NTN4: variants seen among roughly 807,000 people sequenced by gnomAD.
The protein encoded by NTN4 is netrin-4.
In NTN4, 32 loss-of-function variants were observed where a neutral mutation model predicts 73.6. The ratio of observed to expected loss-of-function variants is 0.44; its 90% CI spans 0.33 to 0.58. NTN4 has a LOEUF of 0.58. NTN4 is among the 20% of genes least tolerant of loss of function. NTN4 has a pLI of 0.04. For synonymous variants in NTN4, 258 were observed against 287.5 expected, an observed-to-expected ratio of 0.90 and a Z score of 1.04; for missense variants, 654 against 798.3, an observed-to-expected ratio of 0.82 and a Z score of 2.18.
chr12:95,748,230 C>CAAAAAAA (rs769213172), intron 2 of NTN4, among the ~76,000 whole-genome samples: 12 of 76,414 alleles, frequency 1.6e-4, no homozygotes, highest in Non-Finnish European at 1.8e-4. Context: ...GACTCTGTCT[C>CAAAAAAA]AAAAAAAAAA....
intron 9 of NTN4, among the ~76,000 whole-genome samples, chr12:95,665,029 G>A (rs2078168785): frequency 6.6e-6 from 1 of 152,052 alleles, no homozygotes; most frequent in African/African-American, 2.4e-5. Flanking sequence ...AACCTGCTAA[G>A]TATTATGTTA....
chr12:95,733,646 G>A (rs989338420), intron 3 of NTN4, among the ~76,000 whole-genome samples: 5 of 152,040 alleles, frequency 3.3e-5, no homozygotes, highest in Non-Finnish European at 2.9e-5. Context: ...CCAATACCAG[G>A]GTCTTAATCA....
intron 2 of NTN4, among the ~76,000 whole-genome samples, chr12:95,779,554 C>T (rs887075595): frequency 2.6e-5 from 4 of 152,036 alleles, no homozygotes; most frequent in Non-Finnish European, 4.4e-5. Context: ...CTCCCATTCA[C>T]AATTGTTTCA....
intron 3 of NTN4, among the ~76,000 whole-genome samples, chr12:95,729,639 G>A (rs1010942964): frequency 5.0e-4 from 58 of 115,820 alleles, no homozygotes; most frequent in African/African-American, 2.7e-3. Flanking sequence ...GAGAGTGTGT[G>A]TGTGTGTGTG....
intron 2 of NTN4, among the ~76,000 whole-genome samples, chr12:95,784,136 C>G (rs1338560605): frequency 6.6e-6 from 1 of 152,158 alleles, no homozygotes; most frequent in East Asian, 1.9e-4. Flanking sequence ...TATTTTTAAA[C>G]TAGATTGACT....
rs1445177304 is a variant in NTN4, at chr12:95,713,203, GTTAC to G, written c.991+5_991+8del. On this transcript the variant is annotated splice_donor_5th_base_variant and intron_variant, in intron 4 of 9. Coordinates refer to ENST00000343702, the MANE Select transcript of NTN4 (RefSeq NM_021229.4). ...GAAAGCTTTTGAGTATCGTGGGCTTGTTACTTACTTCTGCACTCGTTGGGAGCCC... is the reference window on the plus strand; with the variant it reads ...GAAAGCTTTTGAGTATCGTGGGCTTGTTACTTCTGCACTCGTTGGGAGCCC... 2.5e-6 allele frequency: 4 copies of G among 1,609,374 alleles called. No individual in the cohort carries two copies. The South Asian group carries it at 3.3e-5, about 13-fold the overall frequency.
chr12:95,665,857 G>T lies in NTN4; in HGVS notation c.1703C>A (p.Pro568Gln). The change falls in exon 9 of 10, where the codon CCA becomes CAA. Residue 568 changes from proline to glutamine, a missense_variant. Coordinates refer to ENST00000343702, the MANE Select transcript of NTN4 (RefSeq NM_021229.4). Reference protein sequence around the residue: ...KIFRGKRTLYPESWTDRGCTC... With the variant: ...KIFRGKRTLYQESWTDRGCTC... ...GCATCCTCTGTCCGTCCATGATTCT[G>T]GATATAATGTTCGCTTTCCTCGGAA... 6.2e-7 allele frequency: 1 copy of T among 1,613,944 alleles called. No homozygotes were observed.
At chr12:95,674,576 G>C (rs11108186) in intron 7 of NTN4, among the ~76,000 whole-genome samples, 4,675 of 152,090 alleles carry the variant, frequency 0.031, 207 homozygotes, top group East Asian at 0.24. Flanking sequence ...TTGTTATTTA[G>C]GAAGTGAAAT....
intron 7 of NTN4, among the ~76,000 whole-genome samples, chr12:95,681,188 CAAAAAA>C (rs11366396): frequency 1.0e-5 from 1 of 95,514 alleles, no homozygotes; most frequent in African/African-American, 4.1e-5. Flanking sequence ...GACTTTGTCT[CAAAAAA>C]AAAAAAAAAA....
intron 3 of NTN4, 28 bp from the exon 4 acceptor site, chr12:95,713,366 G>A: frequency 6.5e-7 from 1 of 1,541,442 alleles, no homozygotes; most frequent in Non-Finnish European, 8.8e-7. Context: ...TGAGAACTAT[G>A]AGCACACATG....
intron 9 of NTN4, among the ~76,000 whole-genome samples, chr12:95,664,578 G>T (rs1309567956): frequency 1.1e-5 from 1 of 90,102 alleles, no homozygotes; most frequent in Non-Finnish European, 2.1e-5. Context: ...TCAGTTATCT[G>T]CTTCTCTCAA....
chr12:95,702,298 CAAAAAAAAAGAAAA>C (rs1306847563), intron 5 of NTN4, among the ~76,000 whole-genome samples: 6 of 100,214 alleles, frequency 6.0e-5, no homozygotes, highest in Admixed American at 2.0e-4. Context: ...AAAAAAAAAA[CAAAAAAAAAGAAAA>C]AAAAAAAAAG....
intron 5 of NTN4, among the ~76,000 whole-genome samples, chr12:95,690,716 T>C (rs1022480502): frequency 5.3e-5 from 8 of 152,126 alleles, no homozygotes; most frequent in African/African-American, 1.9e-4. Flanking sequence ...ATGAAAATTA[T>C]ATAATTTTGA....
intron 5 of NTN4, among the ~76,000 whole-genome samples, chr12:95,689,026 G>C (rs2078383138): frequency 1.3e-5 from 2 of 152,108 alleles, no homozygotes; most frequent in African/African-American, 4.8e-5. Context: ...AAACCAGTAT[G>C]AATGTGTGAG....
chr12:95,761,334 T>TG (rs2078985401), intron 2 of NTN4, among the ~76,000 whole-genome samples: 1 of 145,828 alleles, frequency 6.9e-6, no homozygotes. Flanking sequence ...TTCTTTTTTT[T>TG]TTTTTTCCCC....
chr12:95,682,270 T>C (rs908186932), intron 7 of NTN4, among the ~76,000 whole-genome samples: 1 of 151,828 alleles, frequency 6.6e-6, no homozygotes, highest in African/African-American at 2.4e-5. Context: ...CCCAGGCTGG[T>C]CTTGAACTCT....
chr12:95,740,897 C>T (rs2121185931), intron 2 of NTN4, among the ~76,000 whole-genome samples: 1 of 152,232 alleles, frequency 6.6e-6, no homozygotes, highest in South Asian at 2.1e-4. Context: ...ATTCTTGGAC[C>T]CTATCCAAGA....
chr12:95,700,814 C>CTTTTTTT (rs71911993), intron 5 of NTN4, among the ~76,000 whole-genome samples: 9 of 107,538 alleles, frequency 8.4e-5, no homozygotes, highest in African/African-American at 2.8e-4. Flanking sequence ...TTCTTTCTTT[C>CTTTTTTT]TTTTTTTTTT....
intron 2 of NTN4, among the ~76,000 whole-genome samples, chr12:95,751,436 A>C (rs1489652184): frequency 1.9e-4 from 29 of 152,226 alleles, no homozygotes; most frequent in South Asian, 4.2e-4. Context: ...ACCTCCTCCC[A>C]CAGGAGCTTG....
Sources: allele counts gnomAD v4.1 joint callset (sites outside exome capture counted in the v4.1 genomes callset), GRCh38; gene constraint gnomAD v4.1.1; transcripts MANE v1.5; gene names NCBI Gene and HGNC (gene_info 2026-07-23, HGNC 2026-07-21).